Variants in TTC23L observed in about 807,000 individuals in gnomAD.
TTC23L encodes tetratricopeptide repeat domain 23 like.
In TTC23L, 42 loss-of-function variants were observed where a neutral mutation model predicts 48.1. The ratio of observed to expected loss-of-function variants is 0.87; its 90% CI spans 0.68 to 1.13. The LOEUF is 1.13. Ranked by LOEUF, TTC23L falls within the 50% of genes most tolerant of loss-of-function variation. The pLI is 0.00. For synonymous variants in TTC23L, 159 were observed against 157.2 expected, an observed-to-expected ratio of 1.01 and a Z score of -0.09; for missense variants, 391 against 421.0, an observed-to-expected ratio of 0.93 and a Z score of 0.62.
the TTC23L span, chr5:34,916,184 T>G: frequency 3.3e-6 from 1 of 301,868 alleles, no homozygotes; most frequent in South Asian, 9.6e-5. Flanking sequence ...GTTGTTCAGT[T>G]GTTTTTTTTT....
At chr5:34,925,490 A>G in the TTC23L span, 1 of 1,607,644 alleles carries the variant, frequency 6.2e-7, no homozygotes, top group African/African-American at 1.3e-5. Context: ...TGGGAAAACA[A>G]AATAAGTCAA....
chr5:34,890,020 G>A (rs145200166), intron 9 of TTC23L, among the ~76,000 whole-genome samples: 184 of 151,960 alleles, frequency 1.2e-3, no homozygotes, highest in African/African-American at 4.3e-3. Context: ...TGTATTTTTA[G>A]TAGAGACGGG....
chr5:34,907,327 G>A, the TTC23L span: 13 of 152,216 alleles, frequency 8.5e-5, no homozygotes, highest in African/African-American at 3.1e-4. Flanking sequence ...AGCATCAGTG[G>A]GTAAGGGCCA....
At chr5:34,913,798 C>A in the TTC23L span, 1 of 536,830 alleles carries the variant, frequency 1.9e-6, no homozygotes. Flanking sequence ...TCCCTTGTCT[C>A]GTTTTTGTGC....
chr5:34,919,161 A>G, the TTC23L span, among the ~76,000 whole-genome samples: 1 of 150,550 alleles, frequency 6.6e-6, no homozygotes, highest in Non-Finnish European at 1.5e-5. Flanking sequence ...CTGCAGTCCC[A>G]GCTACTCAGG....
chr5:34,864,545 A>G, exon 6 of TTC23L: 1 of 1,613,440 alleles, frequency 6.2e-7, no homozygotes, highest in Non-Finnish European at 8.5e-7. Flanking sequence ...AGAACGACCT[A>G]ACACTTGCTT....
the TTC23L span, among the ~76,000 whole-genome samples, chr5:34,904,955 C>G: frequency 6.6e-6 from 1 of 152,216 alleles, no homozygotes; most frequent in African/African-American, 2.4e-5. Flanking sequence ...CTACTAGTAT[C>G]TATTATAATG....
At chr5:34,862,049 T>C (rs540741681) in intron 4 of TTC23L, among the ~76,000 whole-genome samples, 1 of 152,300 alleles carries the variant, frequency 6.6e-6, no homozygotes, top group East Asian at 1.9e-4. Context: ...ATAACCTGCT[T>C]CTGGGTTAGG....
At chr5:34,840,251 A>G (rs112099554) in intron 1 of TTC23L, among the ~76,000 whole-genome samples, 3,385 of 65,026 alleles carry the variant, frequency 0.052, 433 homozygotes, top group African/African-American at 0.19. Flanking sequence ...GGGGGGGGGG[A>G]AAGCAGAATT....
the TTC23L span, among the ~76,000 whole-genome samples, chr5:34,924,451 A>AT: frequency 1.3e-3 from 194 of 152,338 alleles, no homozygotes; most frequent in East Asian, 9.8e-3. Flanking sequence ...TCTAACTTGA[A>AT]TTAGATTTAT....
the TTC23L span, chr5:34,918,228 T>C: frequency 1.9e-6 from 1 of 513,272 alleles, no homozygotes; most frequent in East Asian, 3.3e-5. Flanking sequence ...GGAGGATCAC[T>C]TACTTGAGCC....
chr5:34,862,861 G>T (rs1191178318), intron 4 of TTC23L, 37 bp from the exon 5 acceptor site: 1 of 1,610,334 alleles, frequency 6.2e-7, no homozygotes, highest in East Asian at 2.2e-5. Context: ...CCTTTTTAAT[G>T]TCTGTCTTCT....
the TTC23L span, chr5:34,916,118 C>G: frequency 2.2e-6 from 1 of 455,822 alleles, no homozygotes; most frequent in Non-Finnish European, 3.8e-6. Flanking sequence ...AAACCTTTAC[C>G]CGGCCCACGG....
intron 8 of TTC23L, chr5:34,869,375 A>G (rs1761293750): frequency 5.3e-6 from 1 of 187,100 alleles, no homozygotes. Flanking sequence ...CTCCACTTTC[A>G]GTCTCCTTGA....
intron 4 of TTC23L, among the ~76,000 whole-genome samples, chr5:34,856,556 G>A (rs1760145107): frequency 6.6e-6 from 1 of 152,216 alleles, no homozygotes; most frequent in South Asian, 2.1e-4. Flanking sequence ...CTAAAGAGGG[G>A]AAATGGTAAA....
At chr5:34,904,523 G>A in the TTC23L span, among the ~76,000 whole-genome samples, 1 of 151,670 alleles carries the variant, frequency 6.6e-6, no homozygotes, top group African/African-American at 2.4e-5. Flanking sequence ...GAACCTGGGA[G>A]GTGGAGGTTG....
At chr5:34,854,187 C>T (rs760050475) in intron 4 of TTC23L, among the ~76,000 whole-genome samples, 9 of 152,184 alleles carry the variant, frequency 5.9e-5, no homozygotes, top group Non-Finnish European at 8.8e-5. Flanking sequence ...TAGAGAACTA[C>T]GTTGGGGCAA....
intron 9 of TTC23L, among the ~76,000 whole-genome samples, chr5:34,895,378 T>C (rs1763151296): frequency 1.3e-5 from 2 of 152,256 alleles, no homozygotes; most frequent in African/African-American, 4.8e-5. Context: ...GTATCTGGTA[T>C]ACTGTTAAGT....
chr5:34,906,397 G>A, the TTC23L span: 2 of 152,182 alleles, frequency 1.3e-5, no homozygotes, highest in East Asian at 3.9e-4. Context: ...CCAGCCCTTT[G>A]GGAGGCCGAG....
Sources: allele counts gnomAD v4.1 joint callset (sites outside exome capture counted in the v4.1 genomes callset), GRCh38; gene constraint gnomAD v4.1.1; transcripts MANE v1.5; gene names NCBI Gene and HGNC (gene_info 2026-07-23, HGNC 2026-07-21).